Variants in L3MBTL4 observed in about 807,000 individuals in gnomAD.
L3MBTL4 encodes L3MBTL histone methyl-lysine binding protein 4.
A neutral mutation model predicts 84.5 loss-of-function variants in L3MBTL4; 70 were observed. That is an observed-to-expected ratio of 0.83 (90% CI 0.68 to 1.01). The LOEUF (loss-of-function observed/expected upper bound fraction) is 1.01. Ranked by LOEUF, L3MBTL4 falls within the 50% of genes least tolerant of loss-of-function variation. The pLI is 0.00. For missense variants in L3MBTL4, 715 were observed against 754.8 expected, an observed-to-expected ratio of 0.95 and a Z score of 0.62; for synonymous variants, 274 against 259.8, an observed-to-expected ratio of 1.05 and a Z score of -0.52.
chr18:6,231,355 T>C (rs1343729516), intron 10 of L3MBTL4, among the ~76,000 whole-genome samples: 2 of 152,168 alleles, frequency 1.3e-5, no homozygotes, highest in East Asian at 1.9e-4. Flanking sequence ...CCATTGCTTG[T>C]TTTTGCCTAC....
At chr18:6,370,133 CAAAAAA>C (rs35835409) in intron 1 of L3MBTL4, among the ~76,000 whole-genome samples, 1 of 88,262 alleles carries the variant, frequency 1.1e-5, no homozygotes, top group Non-Finnish European at 2.3e-5. Flanking sequence ...GACTCGGTCT[CAAAAAA>C]AAAAAAAAAA....
chr18:6,078,439 C>CAA (rs769376748), intron 16 of L3MBTL4, among the ~76,000 whole-genome samples: 1 of 43,768 alleles, frequency 2.3e-5, no homozygotes, highest in East Asian at 8.4e-4. Context: ...AAAAAAAAAA[C>CAA]AAAAAAAAAA....
intron 13 of L3MBTL4, among the ~76,000 whole-genome samples, chr18:6,158,686 A>T (rs183827723): frequency 6.6e-6 from 1 of 152,310 alleles, no homozygotes; most frequent in East Asian, 1.9e-4. Context: ...ACAGCTGTAC[A>T]TCTGTAGAAA....
At position 6,093,499 on chromosome 18, in the gene L3MBTL4, T is replaced by C. The variant is rs769918454; in HGVS notation, c.1229A>G (p.Asn410Ser). The C allele has an allele frequency of 6.2e-7, 1 of 1,613,708 alleles. No homozygotes were observed. The highest frequency in any genetic ancestry group is 1.7e-5 in the Admixed American group (1 of 59,948). ...SAFGCPYSDM[N>S]LKKEATLHDR... Reference sequence around the variant, plus strand: ...GTGAAGTGTTGCCTCCTTTTTCAAGTTCATGTCTGAATACGGGCAGCCAAA... The same window carrying C: ...GTGAAGTGTTGCCTCCTTTTTCAAGCTCATGTCTGAATACGGGCAGCCAAA... The change falls in exon 15 of 19, where the codon AAC becomes AGC. Residue 410 changes from asparagine (N) to serine (S), a missense_variant. Asn to Ser is a conservative substitution (Grantham distance 46). Transcript: ENST00000317931.
chr18:6,336,694 G>GA (rs796338047), intron 1 of L3MBTL4, among the ~76,000 whole-genome samples: 21 of 152,232 alleles, frequency 1.4e-4, no homozygotes, highest in African/African-American at 5.1e-4. Context: ...CTGCCTTGCA[G>GA]AAAAAAGGGT....
intron 14 of L3MBTL4, among the ~76,000 whole-genome samples, chr18:6,131,434 T>A (rs886378699): frequency 6.6e-6 from 1 of 152,210 alleles, no homozygotes; most frequent in African/African-American, 2.4e-5. Flanking sequence ...AGAATATTTG[T>A]CTGAGAATCT....
chr18:6,184,848 T>A (rs2044646275), intron 12 of L3MBTL4, among the ~76,000 whole-genome samples: 1 of 151,892 alleles, frequency 6.6e-6, no homozygotes, highest in South Asian at 2.1e-4. Flanking sequence ...ATGTTTAGAG[T>A]CTCAAGGATA....
At position 6,102,231 on chromosome 18, in the gene L3MBTL4, G is replaced by T. The variant is rs560082279; in HGVS notation, c.1200-8703C>A. ...TAAAGAAATACCAGTCATGTATCTG[G>T]TATATGGCAAGTTATCTATTTATTG... On this transcript the variant is annotated intron_variant, in intron 14 of 18. Coordinates refer to ENST00000317931, the MANE Select transcript of L3MBTL4 (RefSeq NM_001330559.2). Among the ~76,000 whole-genome samples the T allele has an allele frequency of 2.6e-5, 4 of 152,294 alleles. No homozygotes were observed. In the South Asian group the frequency reaches 8.3e-4, roughly 32 times the overall value.
chr18:6,196,879 G>A (rs1181642653), intron 12 of L3MBTL4, among the ~76,000 whole-genome samples: 1 of 152,126 alleles, frequency 6.6e-6, no homozygotes, highest in East Asian at 1.9e-4. Context: ...AACAAACTAG[G>A]GTCCTTTCCT....
At chr18:6,300,649 C>T (rs987419947) in intron 4 of L3MBTL4, among the ~76,000 whole-genome samples, 1 of 152,142 alleles carries the variant, frequency 6.6e-6, no homozygotes, top group East Asian at 1.9e-4. Context: ...TTGTTGGCCT[C>T]AGTCTGCTTT....
intron 12 of L3MBTL4, among the ~76,000 whole-genome samples, chr18:6,199,215 G>A (rs191923700): frequency 4.5e-4 from 69 of 152,308 alleles, no homozygotes; most frequent in African/African-American, 1.3e-3. Flanking sequence ...GCCCCCTCAT[G>A]CCTACATGGG....
At chr18:6,297,646 A>G (rs2050162013) in intron 4 of L3MBTL4, among the ~76,000 whole-genome samples, 1 of 152,240 alleles carries the variant, frequency 6.6e-6, no homozygotes, top group Non-Finnish European at 1.5e-5. Context: ...TTATTTTTAA[A>G]TAATGTTTGT....
chr18:6,251,269 T>C (rs201143740), intron 5 of L3MBTL4, among the ~76,000 whole-genome samples: 14 of 152,220 alleles, frequency 9.2e-5, no homozygotes, highest in East Asian at 5.8e-4. Flanking sequence ...GATTTTATGT[T>C]TGGTCTGAAT....
intron 16 of L3MBTL4, among the ~76,000 whole-genome samples, chr18:5,990,770 G>GTGTGT (rs1567956295): frequency 0.014 from 1,945 of 142,346 alleles, 38 homozygotes; most frequent in East Asian, 0.09. Flanking sequence ...GGTTCATGTG[G>GTGTGT]GTGTGTGTGT....
At position 5,956,095 on chromosome 18, in the gene L3MBTL4, C is replaced by T. The variant is rs150234324; in HGVS notation, c.*125G>A. 3,297 of 819,916 alleles carry T rather than the reference C, an allele frequency of 4.0e-3. 13 individuals carry two copies. The highest frequency in any genetic ancestry group is 5.1e-3 in the Non-Finnish European group (2,598 of 507,550). 50.8% of individuals were successfully genotyped at this position (819,916 alleles called of 1,614,324 possible). ...TCTAAACATGTAAACAAATCACAGACACTTTAAAAAGTCCAGATTCAGTGT... is the reference window on the plus strand; with the variant it reads ...TCTAAACATGTAAACAAATCACAGATACTTTAAAAAGTCCAGATTCAGTGT... On this transcript the variant is annotated 3_prime_UTR_variant, in exon 19 of 19. Transcript: ENST00000317931.
intron 16 of L3MBTL4, among the ~76,000 whole-genome samples, chr18:6,071,818 AAG>A (rs1491053494): frequency 7.9e-6 from 1 of 126,886 alleles, no homozygotes; most frequent in Non-Finnish European, 1.5e-5. Context: ...AAAGAAAGGA[AAG>A]AAAGAAAGAA....
At chr18:6,081,905 A>G (rs2058090178) in intron 15 of L3MBTL4, among the ~76,000 whole-genome samples, 1 of 152,236 alleles carries the variant, frequency 6.6e-6, no homozygotes, top group Non-Finnish European at 1.5e-5. Context: ...TCAAAAAAGC[A>G]AGAAACCGAG....
intron 1 of L3MBTL4, among the ~76,000 whole-genome samples, chr18:6,364,974 A>T (rs1012840241): frequency 1.3e-5 from 2 of 152,100 alleles, no homozygotes; most frequent in African/African-American, 4.8e-5. Flanking sequence ...TAAAATATAT[A>T]TTATAGCAAA....
chr18:6,176,837 A>T (rs889930127), intron 12 of L3MBTL4, among the ~76,000 whole-genome samples: 1 of 152,162 alleles, frequency 6.6e-6, no homozygotes, highest in African/African-American at 2.4e-5. Context: ...TGAGCAAAAG[A>T]CTCAATGAAC....
Sources: gnomAD v4.1 joint callset for allele counts (sites outside exome capture counted in the v4.1 genomes callset) on GRCh38, gnomAD v4.1.1 for gene constraint, MANE v1.5 for transcripts, NCBI Gene and HGNC (gene_info 2026-07-23, HGNC 2026-07-21) for gene names.